Variants in RBFOX1 observed in about 807,000 individuals in gnomAD.
RBFOX1 encodes the protein RNA binding fox-1 homolog 1, also known as RNA binding protein fox-1 homolog 1.
In RBFOX1, 8 loss-of-function variants were observed where a neutral mutation model predicts 57.7. The observed-to-expected ratio is 0.14, with a 90% CI of 0.08 to 0.25. The LOEUF (loss-of-function observed/expected upper bound fraction) is 0.25, where lower values mean the gene tolerates loss of function less well. Ranked by LOEUF, RBFOX1 falls within the 10% of genes least tolerant of loss-of-function variation. The pLI is 1.00. For synonymous variants in RBFOX1, 326 were observed against 222.4 expected (o/e 1.47, Z -4.15); for missense variants, 611 against 548.5 (o/e 1.11, Z -1.14).
At chr16:7,229,589 G>C (rs537266364) in intron 4 of RBFOX1, among the ~76,000 whole-genome samples, 1 of 133,534 alleles carries the variant, frequency 7.5e-6, no homozygotes, top group East Asian at 2.2e-4. Flanking sequence ...GAAAGGGAGA[G>C]AGAGGAAGGA....
Position 5,835,361 on chromosome 16 carries a change from C to T in RBFOX1, c.319-31942C>T, listed in dbSNP as rs141982310. Reference sequence around the variant, plus strand: ...CACAGCATTGCAGAGCCTGAAGCCACTGCGATCTGCTTTGTAGAAAACGGT... The same window carrying T: ...CACAGCATTGCAGAGCCTGAAGCCATTGCGATCTGCTTTGTAGAAAACGGT... On this transcript the variant is annotated intron_variant, in intron 3 of 19. Coordinates refer to the RBFOX1 transcript ENST00000641259. Among the ~76,000 whole-genome samples the T allele has an allele frequency of 5.8e-3, 879 of 152,342 alleles. 6 individuals carry two copies. The highest frequency in any genetic ancestry group is 9.8e-3 in the Non-Finnish European group (666 of 68,028).
intron 1 of RBFOX1, among the ~76,000 whole-genome samples, chr16:6,194,528 T>C (rs974928749): frequency 6.6e-6 from 1 of 152,138 alleles, no homozygotes; most frequent in African/African-American, 2.4e-5. Flanking sequence ...CCTGTACTCA[T>C]TTCTCTGTCT....
At chr16:5,391,588 G>A (rs1317196702) in intron 1 of RBFOX1, among the ~76,000 whole-genome samples, 1 of 152,100 alleles carries the variant, frequency 6.6e-6, no homozygotes, top group Non-Finnish European at 1.5e-5. Context: ...CCAAGGCTCT[G>A]AAATCAAGCT....
chr16:7,681,056 C>G (rs1056979315), intron 14 of RBFOX1, among the ~76,000 whole-genome samples: 1 of 152,088 alleles, frequency 6.6e-6, no homozygotes. Context: ...ACATTCATAA[C>G]CTATGAATAA....
At chr16:6,244,710 A>G (rs1250373858) in intron 1 of RBFOX1, among the ~76,000 whole-genome samples, 2 of 152,098 alleles carry the variant, frequency 1.3e-5, no homozygotes, top group Non-Finnish European at 2.9e-5. Context: ...GGATTTCACC[A>G]TGTTGGCTAG....
intron 1 of RBFOX1, among the ~76,000 whole-genome samples, chr16:6,291,768 C>G (rs1006183494): frequency 1.3e-5 from 2 of 152,188 alleles, no homozygotes; most frequent in African/African-American, 4.8e-5. Context: ...CTTGCCCTTT[C>G]CCCTTTAAAT....
intron 1 of RBFOX1, among the ~76,000 whole-genome samples, chr16:5,463,324 G>T (rs1042262153): frequency 7.2e-5 from 11 of 152,102 alleles, no homozygotes; most frequent in African/African-American, 2.4e-4. Context: ...GTGGCATGAA[G>T]TGCGTTGCTT....
chr16:6,246,490 T>A lies in RBFOX1; in HGVS notation c.-126-70505T>A, dbSNP rs112941501. 6.0e-3 allele frequency among the ~76,000 whole-genome samples: 911 copies of A among 152,258 alleles called. 10 individuals carry two copies. The highest frequency in any genetic ancestry group is 0.02 in the African/African-American group (846 of 41,552). On this transcript the variant is annotated intron_variant, in intron 1 of 15. Coordinates refer to ENST00000550418, the MANE Select transcript of RBFOX1 (RefSeq NM_018723.4). ...GGGAAGGACTCCAGTTGGCTTGGCT[T>A]TGAGCTCACCCATCACCCAAACTTT...
intron 10 of RBFOX1, among the ~76,000 whole-genome samples, chr16:7,627,865 G>A (rs537988482): frequency 9.2e-5 from 14 of 151,832 alleles, no homozygotes; most frequent in African/African-American, 2.9e-4. Flanking sequence ...ACCAAGTCCT[G>A]TGAAGGCATA....
Position 7,216,022 on chromosome 16 carries a change from C to T in RBFOX1, c.27+163924C>T, listed in dbSNP as rs556830526. ...ACAGGCGTGAGCCACCGCGCCCAGC[C>T]TGGATGTTTTATATCACTGGAATCA... On this transcript the variant is annotated intron_variant, in intron 4 of 15. Coordinates refer to ENST00000550418, the MANE Select transcript of RBFOX1 (RefSeq NM_018723.4). Among the ~76,000 whole-genome samples the T allele has an allele frequency of 3.9e-5, 6 of 152,274 alleles. No homozygotes were observed. In the South Asian group the frequency reaches 1.0e-3, roughly 26 times the overall value.
At chr16:5,682,616 A>G (rs2050374885) in intron 3 of RBFOX1, among the ~76,000 whole-genome samples, 1 of 152,204 alleles carries the variant, frequency 6.6e-6, no homozygotes, top group Non-Finnish European at 1.5e-5. Context: ...TGTACAGATC[A>G]TGCAACTGAG....
At chr16:5,520,149 A>C (rs1295081337) in intron 2 of RBFOX1, among the ~76,000 whole-genome samples, 1 of 152,192 alleles carries the variant, frequency 6.6e-6, no homozygotes, top group Non-Finnish European at 1.5e-5. Flanking sequence ...CCCAGAGGGG[A>C]AAGAGGAAGA....
chr16:6,660,870 A>G (rs1203214328), intron 3 of RBFOX1, among the ~76,000 whole-genome samples: 2 of 152,174 alleles, frequency 1.3e-5, no homozygotes, highest in Admixed American at 6.5e-5. Context: ...TCAGGGGAGT[A>G]TGCAACCAAT....
intron 1 of RBFOX1, among the ~76,000 whole-genome samples, chr16:6,231,605 G>A (rs184251119): frequency 1.3e-5 from 2 of 152,230 alleles, no homozygotes; most frequent in Non-Finnish European, 2.9e-5. Flanking sequence ...GTGATTGCCT[G>A]TTCTGAATGG....
chr16:6,171,425 G>T (rs1421715494), intron 1 of RBFOX1, among the ~76,000 whole-genome samples: 1 of 152,138 alleles, frequency 6.6e-6, no homozygotes, highest in Non-Finnish European at 1.5e-5. Flanking sequence ...CTCAAAGGTA[G>T]CCTTTGGCCA....
rs1156896003 is a variant in RBFOX1, at chr16:5,631,556, T to TA, written c.318+32610dup. On this transcript the variant is annotated intron_variant, in intron 3 of 19. Coordinates refer to the RBFOX1 transcript ENST00000641259. The stretch of plus-strand genomic sequence containing the variant: ...TGGTGACAGACCGAGACTCCATATT[T>TA]AAAAAAAAAAAAAAAGTGTCTCTTC... Among the ~76,000 whole-genome samples the TA allele has an allele frequency of 9.7e-3, 1,346 of 139,038 alleles. 19 individuals carry two copies. Among genetic ancestry groups the TA allele is most frequent in the African/African-American group, 0.026 (1,003 of 38,272 alleles). 91.2% of individuals were successfully genotyped at this position (139,038 alleles called of 152,430 possible).
chr16:5,468,476 C>T (rs1176561000), intron 2 of RBFOX1, among the ~76,000 whole-genome samples: 1 of 152,078 alleles, frequency 6.6e-6, no homozygotes, highest in East Asian at 1.9e-4. Context: ...GCTTCTTTTA[C>T]CAAGAAAACA....
chr16:7,305,219 A>T (rs1020865386), intron 4 of RBFOX1, among the ~76,000 whole-genome samples: 2 of 151,712 alleles, frequency 1.3e-5, no homozygotes, highest in African/African-American at 4.9e-5. Context: ...TTCATTGTGC[A>T]CATTTCAGTC....
At chr16:7,493,559 G>A (rs1397394300) in intron 4 of RBFOX1, among the ~76,000 whole-genome samples, 1 of 151,506 alleles carries the variant, frequency 6.6e-6, no homozygotes, top group Non-Finnish European at 1.5e-5. Flanking sequence ...GTACTTACAA[G>A]GGGGAACACA....
Sources: allele counts gnomAD v4.1 joint callset (sites outside exome capture counted in the v4.1 genomes callset), GRCh38; gene constraint gnomAD v4.1.1; transcripts MANE v1.5; gene names NCBI Gene and HGNC (gene_info 2026-07-23, HGNC 2026-07-21).